Variants in ABCC6 observed in about 807,000 individuals in gnomAD.
The protein encoded by ABCC6 is ATP binding cassette subfamily C member 6, also known as ATP-binding cassette sub-family C member 6.
ABCC6 carries 126 observed loss-of-function variants against 169.5 expected under a neutral mutation model. The ratio of observed to expected loss-of-function variants is 0.74; its 90% CI spans 0.64 to 0.86. The LOEUF is 0.86. Ranked by LOEUF, ABCC6 falls within the 40% of genes least tolerant of loss-of-function variation. ABCC6 has a pLI of 0.00. For missense variants in ABCC6, 1,733 were observed against 1,927.2 expected (o/e 0.90, Z 1.89); for synonymous variants, 752 against 814.7 (o/e 0.92, Z 1.31).
chr16:16,192,662 G>A (rs7206048), intron 11 of ABCC6, among the ~76,000 whole-genome samples, 168 bp downstream of exon 11: 2 of 152,004 alleles, frequency 1.3e-5, no homozygotes, highest in Non-Finnish European at 2.9e-5. Context: ...TCCATTGAGA[G>A]GATAGGGGGA....
rs759040684 is a variant in ABCC6 at position 16,150,611 on chromosome 16, G to A, written c.4370C>T (p.Ala1457Val). Residue 1457 changes from alanine to valine, a missense_variant, in exon 30 of 31, where the codon GCC (alanine) becomes GTC (valine). By Grantham distance (64) the Ala-to-Val change is moderately conservative. Coordinates refer to ENST00000205557, the MANE Select transcript of ABCC6 (RefSeq NM_001171.6). The part of the protein sequence containing the change: ...WFAQCTVLLI[A>V]HRLRSVMDCA... ...GTCCATCACGGAGCGCAGGCGGTGGGCAATGAGCAGCACAGTGCACTGTGC... is the reference window on the plus strand; with the variant it reads ...GTCCATCACGGAGCGCAGGCGGTGGACAATGAGCAGCACAGTGCACTGTGC... The A allele has an allele frequency of 9.9e-6, 16 of 1,612,708 alleles. No individual in the cohort carries two copies. Among genetic ancestry groups the A allele is most frequent in the Non-Finnish European group, 1.0e-5 (12 of 1,179,386 alleles).
chr16:16,160,628 CAAAAAAAAAAAAAAA>C (rs34511090), intron 25 of ABCC6, among the ~76,000 whole-genome samples: 7 of 76,382 alleles, frequency 9.2e-5, no homozygotes, highest in Admixed American at 5.9e-4. Context: ...CTGTTTCTAC[CAAAAAAAAAAAAAAA>C]AAAAAAAAAA....
At chr16:16,197,933 A>G in intron 10 of ABCC6, 88 bp downstream of exon 10, 1 of 1,374,240 alleles carries the variant, frequency 7.3e-7, no homozygotes, top group South Asian at 1.3e-5. Flanking sequence ...CTAAGTCAGG[A>G]GGAGGAAGGG....
At chr16:16,157,030 A>G (rs2046573595) in intron 27 of ABCC6, among the ~76,000 whole-genome samples, 1 of 151,496 alleles carries the variant, frequency 6.6e-6, no homozygotes, top group South Asian at 2.1e-4. Context: ...AGGAGAGGAC[A>G]GGGAGGAAGC....
chr16:16,183,416 C>T lies in ABCC6; in HGVS notation c.1944-486G>A, dbSNP rs1036381064. On this transcript the variant is annotated intron_variant, in intron 15 of 30. Transcript: ENST00000205557. ...CTTGGTCCCGCCCCACTCCTGTCCA[C>T]GTCCCACAGCCCATCCTCCACCCAG... Among the ~76,000 whole-genome samples the T allele has an allele frequency of 4.6e-5, 7 of 152,160 alleles. No individual in the cohort carries two copies. The South Asian group carries it at 1.2e-3, about 27-fold the overall frequency.
intron 18 of ABCC6, 77 bp from the exon 19 acceptor site, chr16:16,177,703 G>A (rs1325785890): frequency 3.2e-6 from 5 of 1,565,856 alleles, no homozygotes; most frequent in Non-Finnish European, 4.4e-6. Flanking sequence ...AACACTTTGG[G>A]AAGCCAAAGC....
At chr16:16,155,312 A>G (rs2046516417) in intron 27 of ABCC6, 7 of 544,576 alleles carry the variant, frequency 1.3e-5, no homozygotes, top group South Asian at 4.8e-5. Context: ...TCATCCTTCT[A>G]TTTACACCTC....
intron 27 of ABCC6, 195 bp from the exon 28 acceptor site, chr16:16,155,226 T>TTCTC (rs1187460081): frequency 1.5e-6 from 1 of 653,844 alleles, no homozygotes; most frequent in East Asian, 2.7e-5. Flanking sequence ...ATCTGTGTTC[T>TTCTC]TCTCTATCTT....
intron 29 of ABCC6, 32 bp from the exon 30 acceptor site, chr16:16,150,804 T>TGGGACAATTA: frequency 6.2e-7 from 1 of 1,608,378 alleles, no homozygotes; most frequent in African/African-American, 1.3e-5. Flanking sequence ...AGCTGGGACG[T>TGGGACAATTA]GCGTTTGTCG....
chr16:16,206,212 G>C (rs1000725490), intron 7 of ABCC6, among the ~76,000 whole-genome samples: 4 of 152,192 alleles, frequency 2.6e-5, no homozygotes, highest in Non-Finnish European at 4.4e-5. Context: ...CCAGATTGCT[G>C]TCTGACGTCT....
At chr16:16,170,027 G>A (rs1241027827) in intron 21 of ABCC6, among the ~76,000 whole-genome samples, 174 bp from the exon 22 acceptor site, 2 of 152,024 alleles carry the variant, frequency 1.3e-5, no homozygotes, top group East Asian at 1.9e-4. Flanking sequence ...TCCCCGACAG[G>A]CCCCAGCCAG....
At chr16:16,182,091 A>G (rs953859060) in intron 17 of ABCC6, among the ~76,000 whole-genome samples, 1 of 152,116 alleles carries the variant, frequency 6.6e-6, no homozygotes, top group East Asian at 1.9e-4. Flanking sequence ...AGGGGAAGCA[A>G]TTACACCAAC....
intron 27 of ABCC6, chr16:16,155,307 CTTCT>C: frequency 1.8e-6 from 1 of 566,104 alleles, no homozygotes; most frequent in Non-Finnish European, 3.2e-6. Context: ...TTTCCTCATC[CTTCT>C]ATTTACACCT....
intron 17 of ABCC6, 26 bp downstream of exon 17, chr16:16,182,386 T>A: frequency 6.2e-7 from 1 of 1,612,918 alleles, no homozygotes; most frequent in East Asian, 2.2e-5. Flanking sequence ...TGTCTCCCTG[T>A]CCCAAAAAGA....
chr16:16,199,427 T>G (rs563036080), intron 9 of ABCC6, among the ~76,000 whole-genome samples: 5 of 128,366 alleles, frequency 3.9e-5, no homozygotes, highest in African/African-American at 1.3e-4. Flanking sequence ...GAATCCAGGG[T>G]GACGAAGGCA....
At chr16:16,201,399 T>C (rs759275650) in intron 9 of ABCC6, among the ~76,000 whole-genome samples, 24 of 152,004 alleles carry the variant, frequency 1.6e-4, no homozygotes, top group Non-Finnish European at 3.1e-4. Flanking sequence ...TAAAATTAGA[T>C]TGGGGGAGTA....
At position 16,165,615 on chromosome 16, in the gene ABCC6, C is replaced by T. The variant is rs746787698; in HGVS notation, c.3306+8G>A. The T allele has an allele frequency of 1.9e-6, 3 of 1,612,906 alleles. No individual in the cohort carries two copies. In the African/African-American group the frequency reaches 4.0e-5, roughly 22 times the overall value. On this transcript the variant is annotated splice_region_variant and intron_variant, in intron 23 of 30. Transcript: ENST00000205557. ...CCGGTCCCGGAAGCCTCCCTGACCT[C>T]TCCGTACCTGAAACCCAGCGTAGAG...
chr16:16,177,315 G>T, intron 19 of ABCC6, 137 bp downstream of exon 19: 1 of 946,868 alleles, frequency 1.1e-6, no homozygotes, highest in Non-Finnish European at 1.7e-6. Context: ...TATTAAGAGA[G>T]CTGTCTGCTT....
rs749125777 is a variant in ABCC6, at chr16:16,173,287, G to C, written c.2784C>G (p.Gly928=). 2 of 1,613,838 alleles carry C rather than the reference G, an allele frequency of 1.2e-6. No homozygotes were observed. Among genetic ancestry groups the C allele is most frequent in the Non-Finnish European group, 1.7e-6 (2 of 1,179,946 alleles). The part of the protein sequence containing the change: ...WPAGKDSIQY[G]RVKATVHLAY... ...GGTGGGTGAAGCTGGTGGTTACCCT[G>C]CCGTATTGGATGCTGTCCTTTCCTG... Residue 928 remains glycine, a synonymous_variant, in exon 21 of 31, where the codon GGC becomes GGG. Transcript: ENST00000205557.
Sources: gnomAD v4.1 joint callset for allele counts (sites outside exome capture counted in the v4.1 genomes callset) on GRCh38, gnomAD v4.1.1 for gene constraint, MANE v1.5 for transcripts, NCBI Gene and HGNC (gene_info 2026-07-23, HGNC 2026-07-21) for gene names.